The following ZFAND3 variants were observed in gnomAD, a reference collection of about 807,000 sequenced individuals.
ZFAND3 encodes the protein AN1-type zinc finger protein 3.
ZFAND3 carries 10 observed loss-of-function variants against 29.6 expected under a neutral mutation model. The ratio of observed to expected loss-of-function variants is 0.34; its 90% confidence interval spans 0.21 to 0.57. The LOEUF (loss-of-function observed/expected upper bound fraction) is 0.57, where lower values mean the gene tolerates loss of function less well. ZFAND3 is among the 20% of genes least tolerant of loss of function. The pLI, the probability that ZFAND3 is intolerant of heterozygous loss-of-function variation, is 0.86. For synonymous variants in ZFAND3, 128 were observed against 112.6 expected (o/e 1.14, Z -0.87); for missense variants, 230 against 304.5 (o/e 0.76, Z 1.82).
intron 2 of ZFAND3, among the ~76,000 whole-genome samples, chr6:38,020,414 C>CA (rs1268525606): frequency 3.3e-5 from 5 of 151,960 alleles, no homozygotes; most frequent in African/African-American, 4.8e-5. Flanking sequence ...CAAATTATCT[C>CA]AAAAAAATAC....
intron 2 of ZFAND3, among the ~76,000 whole-genome samples, chr6:38,054,002 A>G (rs2127461040): frequency 6.6e-6 from 1 of 152,084 alleles, no homozygotes; most frequent in Non-Finnish European, 1.5e-5. Context: ...TAGGGAACAT[A>G]GGATAGGAGT....
intron 4 of ZFAND3, among the ~76,000 whole-genome samples, chr6:38,100,298 G>A (rs1271869740): frequency 6.6e-5 from 10 of 152,114 alleles, no homozygotes; most frequent in Admixed American, 2.0e-4. Context: ...TCTTGACCTC[G>A]TGATCCGCCT....
At chr6:37,886,854 AT>A (rs1765004159) in intron 1 of ZFAND3, among the ~76,000 whole-genome samples, 1 of 152,142 alleles carries the variant, frequency 6.6e-6, no homozygotes. Context: ...AAACCCCAAA[AT>A]TAGCCAGGTG....
rs768288619 is a variant in ZFAND3 at position 38,061,663 on chromosome 6, C to G, written c.183C>G (p.Ser61=). 6.2e-7 allele frequency: 1 copy of G among 1,614,120 alleles called. No individual in the cohort carries two copies. Among genetic ancestry groups the G allele is most frequent in the South Asian group, 1.1e-5 (1 of 91,068 alleles). The change falls in exon 3 of 6, where the codon TCC becomes TCG. Residue 61 remains serine, a synonymous_variant. Coordinates refer to ENST00000287218, the MANE Select transcript of ZFAND3 (RefSeq NM_021943.3). ...GTAACAGCCAATCAGATTTGTTTTC[C>G]GAAGAGACCACCAGTGACAACAACA... ...STSNSQSDLF[S]EETTSDNNNT... is the part of the protein sequence containing the mutation.
In ZFAND3 at chr6:38,104,214, C is replaced by T. The variant is rs574872794; in HGVS notation, c.362-12358C>T. Among the ~76,000 whole-genome samples, 5 of 152,230 alleles carry T rather than the reference C, an allele frequency of 3.3e-5. No individual in the cohort carries two copies. In the South Asian group the frequency reaches 1.0e-3, roughly 32 times the overall value. On this transcript the variant is annotated intron_variant, in intron 4 of 5. Transcript: ENST00000287218. ...TGCAGTGGAAATGGCACTTAACAAA[C>T]AGGGATGGTGGCTGCAGTTTTTCAA...
intron 2 of ZFAND3, among the ~76,000 whole-genome samples, chr6:38,011,395 T>A (rs1462166762): frequency 6.6e-6 from 1 of 152,162 alleles, no homozygotes; most frequent in Non-Finnish European, 1.5e-5. Flanking sequence ...TTTTCCAGAG[T>A]GGCCGTACTG....
chr6:38,118,045 G>C (rs1399567476), intron 5 of ZFAND3, among the ~76,000 whole-genome samples: 1 of 152,164 alleles, frequency 6.6e-6, no homozygotes, highest in African/African-American at 2.4e-5. Flanking sequence ...TACCAGATAA[G>C]GTTTTTAGGG....
intron 1 of ZFAND3, among the ~76,000 whole-genome samples, chr6:37,879,843 A>T (rs1042978961): frequency 4.6e-5 from 7 of 152,250 alleles, no homozygotes; most frequent in African/African-American, 1.7e-4. Context: ...TATTTTCAGG[A>T]TAGCATGAAG....
intron 5 of ZFAND3, among the ~76,000 whole-genome samples, chr6:38,136,301 A>G (rs572023651): frequency 2.0e-5 from 3 of 152,316 alleles, no homozygotes; most frequent in African/African-American, 7.2e-5. Flanking sequence ...GGAATGTCCC[A>G]TGTAGCTTTG....
At chr6:38,003,596 T>G (rs1407108367) in intron 2 of ZFAND3, 1 of 265,674 alleles carries the variant, frequency 3.8e-6, no homozygotes, top group Admixed American at 5.2e-5. Context: ...CCTCTTGGGC[T>G]CTAGCAATCC....
chr6:37,944,872 A>T (rs950981309), intron 2 of ZFAND3, among the ~76,000 whole-genome samples: 5 of 152,210 alleles, frequency 3.3e-5, no homozygotes, highest in East Asian at 1.9e-4. Context: ...TTATTGCAAA[A>T]TGAAAAGTAC....
intron 3 of ZFAND3, among the ~76,000 whole-genome samples, chr6:38,072,107 C>T (rs1764465564): frequency 6.6e-6 from 1 of 151,460 alleles, no homozygotes. Flanking sequence ...TCATCTCAGA[C>T]TTTTGGAATA....
At chr6:38,007,354 G>A (rs549035260) in intron 2 of ZFAND3, among the ~76,000 whole-genome samples, 3 of 152,176 alleles carry the variant, frequency 2.0e-5, no homozygotes, top group Admixed American at 1.3e-4. Context: ...GAGCTCAGGA[G>A]TTCAGGACCA....
chr6:37,994,098 C>G (rs1762808173), intron 2 of ZFAND3, among the ~76,000 whole-genome samples: 1 of 143,396 alleles, frequency 7.0e-6, no homozygotes, highest in South Asian at 2.4e-4. Context: ...GTTCAAAGAA[C>G]AAGTTCATGG....
intron 4 of ZFAND3, among the ~76,000 whole-genome samples, chr6:38,112,502 C>T (rs1352048123): frequency 2.0e-5 from 3 of 152,220 alleles, no homozygotes; most frequent in Non-Finnish European, 4.4e-5. Context: ...TTAACTGTTA[C>T]TGCCCAAGTT....
At chr6:37,843,717 C>G (rs557025280) in intron 1 of ZFAND3, among the ~76,000 whole-genome samples, 58 of 152,090 alleles carry the variant, frequency 3.8e-4, no homozygotes, top group African/African-American at 1.2e-3. Context: ...CTTTAATATA[C>G]TCAACAATCA....
intron 2 of ZFAND3, among the ~76,000 whole-genome samples, chr6:37,966,549 C>T (rs1762296704): frequency 6.6e-6 from 1 of 151,968 alleles, no homozygotes; most frequent in Non-Finnish European, 1.5e-5. Flanking sequence ...GTTTGCCAGA[C>T]TTACAGTTGA....
intron 3 of ZFAND3, among the ~76,000 whole-genome samples, chr6:38,074,053 G>A (rs1764506822): frequency 6.6e-6 from 1 of 152,104 alleles, no homozygotes; most frequent in Non-Finnish European, 1.5e-5. Flanking sequence ...AAGGAGTATG[G>A]GGAAATTGGA....
chr6:37,827,078 T>G (rs1301167218), intron 1 of ZFAND3, among the ~76,000 whole-genome samples: 1 of 152,204 alleles, frequency 6.6e-6, no homozygotes, highest in East Asian at 1.9e-4. Context: ...TTTTCTTACA[T>G]TCTGAACATG....
Sources: gnomAD v4.1 joint callset for allele counts (sites outside exome capture counted in the v4.1 genomes callset) on GRCh38, gnomAD v4.1.1 for gene constraint, MANE v1.5 for transcripts, NCBI Gene and HGNC (gene_info 2026-07-23, HGNC 2026-07-21) for gene names.